Variants in DPYS observed in about 807,000 individuals in gnomAD.
DPYS encodes the protein dihydropyrimidinase.
DPYS carries 39 observed loss-of-function variants against 50.3 expected under a neutral mutation model. That is an observed-to-expected ratio of 0.78 (90% CI 0.60 to 1.01). DPYS has a LOEUF of 1.01. Among genes scored for constraint, DPYS ranks in the 50% least tolerant of loss-of-function variants. The pLI is 0.00. For missense variants in DPYS, 659 were observed against 680.9 expected (o/e 0.97, Z 0.36); for synonymous variants, 245 against 250.7 (o/e 0.98, Z 0.22).
At chr8:104,420,717 A>C (rs1779224423) in intron 7 of DPYS, 1 of 149,708 alleles carries the variant, frequency 6.7e-6, no homozygotes, top group South Asian at 2.1e-4. Flanking sequence ...AAAAAAAAAA[A>C]CGATAAAACA....
chr8:104,390,715 T>C (rs753878989), intron 8 of DPYS, among the ~76,000 whole-genome samples: 2 of 152,072 alleles, frequency 1.3e-5, no homozygotes, highest in Non-Finnish European at 2.9e-5. Context: ...CCCAGGCTGG[T>C]CTTGAACTAC....
chr8:104,466,515 C>G (rs1301209193), intron 1 of DPYS, 142 bp downstream of exon 1: 2 of 992,346 alleles, frequency 2.0e-6, no homozygotes, highest in African/African-American at 3.5e-5. Context: ...CTGACACCCG[C>G]CGGGGCTGCG....
intron 7 of DPYS, among the ~76,000 whole-genome samples, chr8:104,417,680 C>A (rs905339225): frequency 6.6e-6 from 1 of 152,190 alleles, no homozygotes; most frequent in African/African-American, 2.4e-5. Flanking sequence ...ACAGCAGGCT[C>A]TTTATTTCCG....
intron 8 of DPYS, among the ~76,000 whole-genome samples, chr8:104,384,976 T>C (rs1811166433): frequency 6.6e-6 from 1 of 152,208 alleles, no homozygotes; most frequent in African/African-American, 2.4e-5. Flanking sequence ...GGCCCAGAGC[T>C]CTATCTTAAG....
At chr8:104,430,987 A>G (rs1812935507) in intron 4 of DPYS, among the ~76,000 whole-genome samples, 1 of 152,076 alleles carries the variant, frequency 6.6e-6, no homozygotes. Flanking sequence ...ATGAAGAGGT[A>G]ATGTACTATC....
intron 7 of DPYS, among the ~76,000 whole-genome samples, chr8:104,416,705 G>A (rs751880823): frequency 1.1e-4 from 16 of 152,054 alleles, no homozygotes; most frequent in Non-Finnish European, 1.8e-4. Flanking sequence ...AGAGGAGGAG[G>A]ATTATAACGC....
At chr8:104,392,646 A>C in intron 8 of DPYS, 138 bp downstream of exon 8, 1 of 1,068,848 alleles carries the variant, frequency 9.4e-7, no homozygotes, top group Non-Finnish European at 1.4e-6. Context: ...CTAATCTCTC[A>C]TATCAATCCT....
Position 104,392,915 on chromosome 8 carries a change from G to T in DPYS, c.1312C>A (p.Leu438Ile). The part of the protein sequence containing the change: ...FEGMVCHGVP[L>I]VTISRGKVVY... ...ACTTTGCCTCTTGAAATAGTCACAAGGGGCACCCCGTGGCAAACCATGCCC... is the reference window on the plus strand; with the variant it reads ...ACTTTGCCTCTTGAAATAGTCACAATGGGCACCCCGTGGCAAACCATGCCC... The change falls in exon 8 of 10, where the codon CTT (leucine) becomes ATT (isoleucine). Residue 438 changes from leucine (L) to isoleucine (I), a missense_variant. Transcript: ENST00000351513. The T allele has an allele frequency of 6.2e-7, 1 of 1,614,210 alleles. No individual in the cohort carries two copies. The highest frequency in any genetic ancestry group is 8.5e-7 in the Non-Finnish European group (1 of 1,180,044).
intron 6 of DPYS, among the ~76,000 whole-genome samples, chr8:104,426,281 A>C (rs1170308164): frequency 6.6e-6 from 1 of 152,230 alleles, no homozygotes; most frequent in East Asian, 1.9e-4. Flanking sequence ...TTATTTCTAA[A>C]TGAGAACTCC....
intron 1 of DPYS, among the ~76,000 whole-genome samples, chr8:104,460,886 C>T (rs1588464754): frequency 6.6e-6 from 1 of 152,138 alleles, no homozygotes; most frequent in South Asian, 2.1e-4. Flanking sequence ...TAATACAACA[C>T]GAATGTTCAA....
At chr8:104,466,518 G>T (rs1178963448) in intron 1 of DPYS, 139 bp downstream of exon 1, 3 of 1,006,700 alleles carry the variant, frequency 3.0e-6, no homozygotes, top group Non-Finnish European at 4.0e-6. Flanking sequence ...ACACCCGCCG[G>T]GGCTGCGCTC....
intron 1 of DPYS, among the ~76,000 whole-genome samples, chr8:104,461,792 C>T (rs932666981): frequency 2.0e-5 from 3 of 151,906 alleles, no homozygotes; most frequent in Non-Finnish European, 4.4e-5. Flanking sequence ...GAGAGAGATC[C>T]GAGACTCAGA....
In DPYS at chr8:104,410,586, C is replaced by T. The variant is rs534353990; in HGVS notation, c.1235+13661G>A. Among the ~76,000 whole-genome samples the T allele has an allele frequency of 9.2e-5, 14 of 152,228 alleles. No individual in the cohort carries two copies. The South Asian group carries it at 2.7e-3, about 29-fold the overall frequency. The stretch of plus-strand genomic sequence containing the variant: ...TACATCCTCCTCCCCATCTCCAAAG[C>T]CCCTTCTCTTTACAGCCATGTACTC... On this transcript the variant is annotated intron_variant, in intron 7 of 9. Coordinates refer to ENST00000351513, the MANE Select transcript of DPYS (RefSeq NM_001385.3).
chr8:104,437,260 T>C (rs1813184569), intron 4 of DPYS, among the ~76,000 whole-genome samples: 1 of 152,100 alleles, frequency 6.6e-6, no homozygotes, highest in African/African-American at 2.4e-5. Flanking sequence ...AATATAGCCT[T>C]GTCAGAGGTG....
intron 6 of DPYS, among the ~76,000 whole-genome samples, chr8:104,425,074 C>A (rs1812676144): frequency 6.6e-6 from 1 of 152,010 alleles, no homozygotes; most frequent in South Asian, 2.1e-4. Context: ...AGGTGATCCA[C>A]CCTCCTTGGC....
At chr8:104,381,157 A>C (rs757142566) in intron 9 of DPYS, 27 bp downstream of exon 9, 1 of 1,577,798 alleles carries the variant, frequency 6.3e-7, no homozygotes, top group South Asian at 1.1e-5. Flanking sequence ...TCATGCAGGA[A>C]GACTTTTCTT....
chr8:104,452,802 C>T (rs1184975356), intron 1 of DPYS, among the ~76,000 whole-genome samples: 2 of 152,154 alleles, frequency 1.3e-5, no homozygotes, highest in African/African-American at 2.4e-5. Context: ...GATTGCACCA[C>T]TGCATGCCAG....
chr8:104,391,733 G>T (rs1193782837), intron 8 of DPYS, among the ~76,000 whole-genome samples: 2 of 152,076 alleles, frequency 1.3e-5, no homozygotes, highest in Non-Finnish European at 2.9e-5. Flanking sequence ...CCAACCTGTT[G>T]CCCAGGCTGG....
intron 7 of DPYS, among the ~76,000 whole-genome samples, chr8:104,422,142 A>T (rs183488254): frequency 6.6e-6 from 1 of 152,304 alleles, no homozygotes; most frequent in Admixed American, 6.5e-5. Flanking sequence ...GGAGATACTC[A>T]GGTGTAGGAT....
Sources: gnomAD v4.1 joint callset for allele counts (sites outside exome capture counted in the v4.1 genomes callset) on GRCh38, gnomAD v4.1.1 for gene constraint, MANE v1.5 for transcripts, NCBI Gene and HGNC (gene_info 2026-07-23, HGNC 2026-07-21) for gene names.